Variants in SETD3 observed in about 807,000 individuals in gnomAD.
The protein encoded by SETD3 is actin-histidine N-methyltransferase.
In SETD3, 19 loss-of-function variants were observed where a neutral mutation model predicts 63.0. The observed-to-expected ratio is 0.30, with a 90% CI of 0.21 to 0.44. The LOEUF (loss-of-function observed/expected upper bound fraction) is 0.44. Among genes scored for constraint, SETD3 ranks in the 20% least tolerant of loss-of-function variants. The pLI, the probability that SETD3 is intolerant of heterozygous loss-of-function variation, is 1.00. For missense variants in SETD3, 587 were observed against 728.5 expected, an observed-to-expected ratio of 0.81 and a Z score of 2.24; for synonymous variants, 286 against 264.1, an observed-to-expected ratio of 1.08 and a Z score of -0.80.
intron 6 of SETD3, among the ~76,000 whole-genome samples, chr14:99,434,847 CAAAAAAAA>C (rs71110599): frequency 9.9e-5 from 3 of 30,396 alleles, no homozygotes; most frequent in East Asian, 3.1e-3. Flanking sequence ...AACTCTGCCT[CAAAAAAAA>C]AAAAAAAAAA....
At chr14:99,420,526 C>G (rs1892528319) in intron 6 of SETD3, among the ~76,000 whole-genome samples, 1 of 152,106 alleles carries the variant, frequency 6.6e-6, no homozygotes, top group South Asian at 2.1e-4. Flanking sequence ...GGAATCTGAT[C>G]TCCACATTCC....
chr14:99,458,333 G>A lies in SETD3; in HGVS notation c.621C>T (p.Phe207=). The A allele has an allele frequency of 6.2e-7, 1 of 1,614,108 alleles. No individual in the cohort carries two copies. Among genetic ancestry groups the A allele is most frequent in the Non-Finnish European group, 8.5e-7 (1 of 1,180,028 alleles). ...GTCGAGCTGTGTTTTTATACTGGCT[G>A]AAGACATCATGTATAGCTTGTGTGG... ...LQSTQAIHDV[F]SQYKNTARQY... The change falls in exon 6 of 13, where the codon TTC becomes TTT. Residue 207 remains phenylalanine, a synonymous_variant. Transcript: ENST00000331768.
At chr14:99,468,217 G>A (rs1351404500) in intron 1 of SETD3, among the ~76,000 whole-genome samples, 9 of 149,482 alleles carry the variant, frequency 6.0e-5, no homozygotes, top group Admixed American at 6.6e-5. Flanking sequence ...CATGGGATAT[G>A]GCCCCACACC....
chr14:99,410,905 G>A (rs1422681226), intron 8 of SETD3, among the ~76,000 whole-genome samples: 1 of 152,190 alleles, frequency 6.6e-6, no homozygotes, highest in Non-Finnish European at 1.5e-5. Context: ...GTGATAGTCA[G>A]GGTAGACTGA....
intron 10 of SETD3, among the ~76,000 whole-genome samples, 170 bp downstream of exon 10, chr14:99,405,035 G>A (rs1015654521): frequency 3.3e-5 from 5 of 152,210 alleles, no homozygotes; most frequent in African/African-American, 7.2e-5. Context: ...ACCTGAAAAC[G>A]CTGGTAAGCC....
intron 1 of SETD3, among the ~76,000 whole-genome samples, chr14:99,478,189 A>G (rs1453537264): frequency 1.3e-5 from 2 of 152,232 alleles, no homozygotes; most frequent in Admixed American, 1.3e-4. Context: ...CACAAGCAAC[A>G]TCCAAAGTAA....
chr14:99,483,730 A>G (rs755293075), upstream of SETD3, among the ~76,000 whole-genome samples: 1 of 152,242 alleles, frequency 6.6e-6, no homozygotes, highest in African/African-American at 2.4e-5. Flanking sequence ...GTGTGGTTAG[A>G]TGGATTTATA....
At chr14:99,477,340 G>A (rs907629319) in intron 1 of SETD3, among the ~76,000 whole-genome samples, 3 of 152,106 alleles carry the variant, frequency 2.0e-5, no homozygotes, top group Non-Finnish European at 4.4e-5. Flanking sequence ...AAACTTAGAG[G>A]AGACTCCCAA....
At position 99,465,737 on chromosome 14, in the gene SETD3, C is replaced by G; in HGVS notation, c.69G>C (p.Lys23Asn). 3 of 1,614,026 alleles carry G rather than the reference C, an allele frequency of 1.9e-6. No individual in the cohort carries two copies. The highest frequency in any genetic ancestry group is 3.3e-4 in the Middle Eastern group (2 of 6,060). ...GTGATATVSP[K>N]EILNLTSELL... Reference sequence around the variant, plus strand: ...GCTCACTGGTCAGGTTCAAGATTTCCTTTGGTGACACAGTTGCTGTAGCAC... The same window carrying G: ...GCTCACTGGTCAGGTTCAAGATTTCGTTTGGTGACACAGTTGCTGTAGCAC... Residue 23 changes from lysine to asparagine, a missense_variant, in exon 2 of 13, where the codon AAG becomes AAC. By Grantham distance (94) the Lys-to-Asn change is moderately conservative (BLOSUM62 0). Transcript: ENST00000331768.
chr14:99,462,531 C>G (rs1895127623), intron 3 of SETD3, among the ~76,000 whole-genome samples: 1 of 152,198 alleles, frequency 6.6e-6, no homozygotes, highest in African/African-American at 2.4e-5. Context: ...CTATTCACTC[C>G]TTGAGAACTG....
chr14:99,445,944 G>A (rs1055712215), intron 6 of SETD3, among the ~76,000 whole-genome samples: 1 of 152,140 alleles, frequency 6.6e-6, no homozygotes, highest in African/African-American at 2.4e-5. Context: ...AGCTCTTATT[G>A]ATCAGACTCA....
chr14:99,472,452 T>C (rs1030633496), intron 1 of SETD3, among the ~76,000 whole-genome samples: 1 of 152,210 alleles, frequency 6.6e-6, no homozygotes, highest in Non-Finnish European at 1.5e-5. Context: ...AAGTCTGTTA[T>C]ATACCGTGAA....
chr14:99,474,676 C>T (rs889228874), intron 1 of SETD3, among the ~76,000 whole-genome samples: 4 of 152,068 alleles, frequency 2.6e-5, no homozygotes, highest in African/African-American at 9.7e-5. Flanking sequence ...ACCAGCCTGG[C>T]CAACACAGTG....
intron 3 of SETD3, among the ~76,000 whole-genome samples, chr14:99,463,010 T>C (rs1217028397): frequency 6.6e-6 from 1 of 152,192 alleles, no homozygotes; most frequent in Non-Finnish European, 1.5e-5. Flanking sequence ...ATGAGAATCA[T>C]TACAATGGCG....
intron 8 of SETD3, chr14:99,410,048 T>C: frequency 1.6e-6 from 1 of 615,134 alleles, no homozygotes; most frequent in Non-Finnish European, 2.9e-6. Context: ...TAGAGGGAAA[T>C]GTAACAGGAC....
At chr14:99,483,843 C>G (rs998780464), upstream of SETD3, among the ~76,000 whole-genome samples, 1 of 152,198 alleles carries the variant, frequency 6.6e-6, no homozygotes, top group Non-Finnish European at 1.5e-5. Flanking sequence ...TGCCCTTACT[C>G]GGATTAACAC....
chr14:99,403,523 G>A (rs1387619930), intron 11 of SETD3, among the ~76,000 whole-genome samples: 1 of 148,670 alleles, frequency 6.7e-6, no homozygotes, highest in East Asian at 2.0e-4. Context: ...TCAGGGCCAG[G>A]AAATTTGTAA....
At chr14:99,403,764 C>T (rs932490169) in intron 11 of SETD3, among the ~76,000 whole-genome samples, 1 of 152,174 alleles carries the variant, frequency 6.6e-6, no homozygotes, top group African/African-American at 2.4e-5. Context: ...AAAATGCTTG[C>T]TGGCAATTTC....
chr14:99,463,614 CTCTT>C, intron 2 of SETD3, 36 bp from the exon 3 acceptor site: 1 of 1,513,738 alleles, frequency 6.6e-7, no homozygotes, highest in Non-Finnish European at 9.2e-7. Context: ...AAACACTTCT[CTCTT>C]TCAACTTAAC....
Sources: allele counts gnomAD v4.1 joint callset (sites outside exome capture counted in the v4.1 genomes callset), GRCh38; gene constraint gnomAD v4.1.1; transcripts MANE v1.5; gene names NCBI Gene and HGNC (gene_info 2026-07-23, HGNC 2026-07-21).